The following TMEM184A variants were observed in gnomAD, a reference collection of about 807,000 sequenced individuals.
The protein encoded by TMEM184A is transmembrane protein 184A, also known as sexually dimorphic, expressed in male gonads 1.
A neutral mutation model predicts 39.5 loss-of-function variants in TMEM184A; 40 were observed. The ratio of observed to expected loss-of-function variants is 1.01; its 90% CI spans 0.79 to 1.32. The LOEUF (loss-of-function observed/expected upper bound fraction) is 1.32. Ranked by LOEUF, TMEM184A falls within the 40% of genes most tolerant of loss-of-function variation. TMEM184A has a pLI of 0.00. For missense variants in TMEM184A, 603 were observed against 568.8 expected, an observed-to-expected ratio of 1.06 and a Z score of -0.61; for synonymous variants, 280 against 252.3, an observed-to-expected ratio of 1.11 and a Z score of -1.04.
chr7:1,549,973 G>T, intron 5 of TMEM184A, 28 bp from the exon 6 acceptor site: 2 of 1,610,856 alleles, frequency 1.2e-6, no homozygotes, highest in Non-Finnish European at 1.7e-6. Flanking sequence ...CGGTGGGCCT[G>T]GGGCCAGGTC....
In TMEM184A at chr7:1,555,573, C is replaced by G. The variant is rs1269839818; in HGVS notation, c.1-89G>C. On this transcript the variant is annotated intron_variant, in intron 1 of 8. Transcript: ENST00000297477. The surrounding 1 kb of genome is among the most constrained non-coding windows in gnomAD (Gnocchi z 5.2). ...AGGAAGCAGCGGGGGAGGGAGGAGACAGTGAGACGGGAGCTGAGGCTGAGC... is the reference window on the plus strand; with the variant it reads ...AGGAAGCAGCGGGGGAGGGAGGAGAGAGTGAGACGGGAGCTGAGGCTGAGC... 1 of 996,568 alleles carries G rather than the reference C, an allele frequency of 1.0e-6. No individual in the cohort carries two copies. Among genetic ancestry groups the G allele is most frequent in the Non-Finnish European group, 1.6e-6 (1 of 643,936 alleles). The allele number at this position is 996,568 out of a possible 1,614,324, so 61.7% of individuals were successfully genotyped here. A position where few individuals can be genotyped will look rare whatever the true frequency, so the allele number is the denominator to read the frequency against.
At position 1,543,591 on chromosome 7, in the gene TMEM184A, T is replaced by G. The variant is rs1335915149; in HGVS notation, c.*3361A>C. The G allele has an allele frequency of 6.6e-6, 1 of 152,048 alleles. No homozygotes were observed. The highest frequency in any genetic ancestry group is 1.5e-5 in the Non-Finnish European group (1 of 68,082). 9.4% of individuals were successfully genotyped at this position (152,048 alleles called of 1,614,324 possible). On this transcript the variant is annotated 3_prime_UTR_variant, in exon 9 of 9. Transcript: ENST00000297477. ...GTTTTTGGGGCTGAGCTGACCGAGG[T>G]GTGAACGCTGTTCAGTGCTGGACCA...
Position 1,549,954 on chromosome 7 carries a change from G to A in TMEM184A, c.553-9C>T, listed in dbSNP as rs367589139. The A allele has an allele frequency of 7.4e-6, 12 of 1,612,164 alleles. No individual in the cohort carries two copies. The highest frequency in any genetic ancestry group is 4.5e-5 in the East Asian group (2 of 44,840). On this transcript the variant is annotated splice_polypyrimidine_tract_variant and intron_variant, in intron 5 of 8. Transcript: ENST00000297477. The stretch of plus-strand genomic sequence containing the variant: ...CAGAACTGCAGAGTGGCCTGGGGGC[G>A]ACGGCACCCGGTGGGCCTGGGGCCA...
Position 1,556,153 on chromosome 7 carries a change from C to T in TMEM184A, c.-40G>A, listed in dbSNP as rs1360125990. ...AGCACCTGGCCCAGTCCAGGGAGGC[C>T]TGGCCTCCAGGGAAGCCTAGCTGGT... On this transcript the variant is annotated 5_prime_UTR_variant, in exon 1 of 9. Coordinates refer to ENST00000297477, the MANE Select transcript of TMEM184A (RefSeq NM_001097620.2). The T allele has an allele frequency of 3.3e-5, 5 of 152,600 alleles. No individual in the cohort carries two copies. The highest frequency in any genetic ancestry group is 7.3e-5 in the Non-Finnish European group (5 of 68,312). The allele number at this position is 152,600 out of a possible 1,614,324, so 9.5% of individuals were successfully genotyped here. A position where few individuals can be genotyped will look rare whatever the true frequency, so the allele number is the denominator to read the frequency against.
In TMEM184A at chr7:1,555,124, G is replaced by T; in HGVS notation, c.219+142C>A. ...CTCCCACATGCCACATCCTGGGGAA[G>T]CTCATCCCCTCCCCCGTGCCCTGGC... On this transcript the variant is annotated intron_variant, in intron 2 of 8. Coordinates refer to ENST00000297477, the MANE Select transcript of TMEM184A (RefSeq NM_001097620.2). The surrounding 1 kb of genome is among the most constrained non-coding windows in gnomAD (Gnocchi z 5.2). 3 of 656,138 alleles carry T rather than the reference G, an allele frequency of 4.6e-6. No individual in the cohort carries two copies. Among genetic ancestry groups the T allele is most frequent in the Non-Finnish European group, 2.5e-6 (1 of 403,830 alleles). The allele number at this position is 656,138 out of a possible 1,614,324, so 40.6% of individuals were successfully genotyped here.
chr7:1,549,744 C>A (rs1784509537), intron 6 of TMEM184A, 110 bp downstream of exon 6: 1 of 1,020,872 alleles, frequency 9.8e-7, no homozygotes, highest in Admixed American at 2.3e-5. Context: ...CAGCTCCCAC[C>A]TTACTTGAGC....
At chr7:1,550,515 CAAG>C in intron 3 of TMEM184A, 120 bp from the exon 4 acceptor site, 1 of 840,888 alleles carries the variant, frequency 1.2e-6, no homozygotes, top group South Asian at 1.7e-5. Context: ...GGCCACACAG[CAAG>C]AGGCTCCTGA....
rs764775533 is a variant in TMEM184A, at chr7:1,550,289, G to C, written c.476+16C>G. 1 of 1,611,796 alleles carries C rather than the reference G, an allele frequency of 6.2e-7. No individual in the cohort carries two copies. The highest frequency in any genetic ancestry group is 8.5e-7 in the Non-Finnish European group (1 of 1,179,206). ...CAGGTGTGTGGGGTGTGGGGGCTCT[G>C]GGGTGACGGGCTTACTTGATGGGCT... On this transcript the variant is annotated intron_variant, in intron 4 of 8. Transcript: ENST00000297477.
At position 1,550,290 on chromosome 7, in the gene TMEM184A, G is replaced by C; in HGVS notation, c.476+15C>G. ...AGGTGTGTGGGGTGTGGGGGCTCTG[G>C]GGTGACGGGCTTACTTGATGGGCTT... On this transcript the variant is annotated intron_variant, in intron 4 of 8. Coordinates refer to ENST00000297477, the MANE Select transcript of TMEM184A (RefSeq NM_001097620.2). The C allele has an allele frequency of 6.2e-7, 1 of 1,612,126 alleles. No individual in the cohort carries two copies. Among genetic ancestry groups the C allele is most frequent in the Non-Finnish European group, 8.5e-7 (1 of 1,179,362 alleles).
At chr7:1,554,591 C>T (rs1778475293) in intron 2 of TMEM184A, among the ~76,000 whole-genome samples, 1 of 152,200 alleles carries the variant, frequency 6.6e-6, no homozygotes, top group Admixed American at 6.5e-5. Context: ...GTCCCTGACT[C>T]CCTGCCCTCT....
chr7:1,549,276 C>A (rs3890492), intron 6 of TMEM184A: 259,470 of 435,398 alleles, frequency 0.6, 78,082 homozygotes, highest in East Asian at 0.67. Flanking sequence ...ACATGTGTCC[C>A]CGTGTGTGAG....
In TMEM184A at chr7:1,547,154, G is replaced by A; in HGVS notation, c.1040C>T (p.Ser347Phe). The A allele has an allele frequency of 6.2e-7, 1 of 1,607,344 alleles. No individual in the cohort carries two copies. Among genetic ancestry groups the A allele is most frequent in the Non-Finnish European group, 8.5e-7 (1 of 1,179,272 alleles). Residue 347 changes from serine to phenylalanine, a missense_variant, in exon 9 of 9, where the codon TCC becomes TTC. By Grantham distance (155) the Ser-to-Phe change is radical. Transcript: ENST00000297477. ...GCTCACTGTCTCCCTGATGCCGCTG[G>A]AGATGCTCTGCATGGGTGCCGGGGG... ...PAPPAPMQSISSGIRETVSPQ... is the reference protein window; with the variant it reads ...PAPPAPMQSIFSGIRETVSPQ...
chr7:1,552,305 CA>C (rs1302435811), intron 2 of TMEM184A, among the ~76,000 whole-genome samples: 1 of 152,070 alleles, frequency 6.6e-6, no homozygotes, highest in African/African-American at 2.4e-5. Context: ...ATTGGCAAAT[CA>C]AAATTGTATG....
rs985694561 is a variant in TMEM184A at position 1,555,966 on chromosome 7, C to T, written c.-1+148G>A. ...GGACCTGTCCACCCACCTGGGAGCC[C>T]GGCTTTGCTGGGGTTCTTGGCAGCC... On this transcript the variant is annotated intron_variant, in intron 1 of 8. Transcript: ENST00000297477. This position sits in a 1 kb window ranked among gnomAD's most constrained non-coding sequence, Gnocchi z 5.2. The T allele has an allele frequency of 3.3e-5, 7 of 212,156 alleles. No homozygotes were observed. The highest frequency in any genetic ancestry group is 6.1e-5 in the Admixed American group (1 of 16,394). 13.1% of individuals were successfully genotyped at this position (212,156 alleles called of 1,614,324 possible).
At chr7:1,548,847 C>A in intron 6 of TMEM184A, 159 bp from the exon 7 acceptor site, 1 of 909,868 alleles carries the variant, frequency 1.1e-6, no homozygotes, top group South Asian at 1.5e-5. Context: ...CACTCCAGGG[C>A]CTGCAGGAGA....
chr7:1,545,586 G>GCC lies in TMEM184A; in HGVS notation c.*1364_*1365dup, dbSNP rs942293790. 6.5e-6 allele frequency: 1 copy of GCC among 152,946 alleles called. No homozygotes were observed. The highest frequency in any genetic ancestry group is 2.4e-5 in the African/African-American group (1 of 41,438). The allele number at this position is 152,946 out of a possible 1,614,324, so 9.5% of individuals were successfully genotyped here. A position where few individuals can be genotyped will look rare whatever the true frequency, so the allele number is the denominator to read the frequency against. ...GCCCACTTCTGCTGCCCCTGCCCCA[G>GCC]CCCCCACCCAACCTGTGCTGCGGGC... On this transcript the variant is annotated 3_prime_UTR_variant, in exon 9 of 9. Transcript: ENST00000297477.
intron 3 of TMEM184A, 41 bp downstream of exon 3, chr7:1,550,776 T>C (rs762843284): frequency 6.2e-7 from 1 of 1,606,066 alleles, no homozygotes; most frequent in South Asian, 1.1e-5. Context: ...CCGGGGAGTC[T>C]CTCCCTCCGC....
In TMEM184A at chr7:1,550,865, C is replaced by T; in HGVS notation, c.337G>A (p.Asp113Asn). ...DSWLSLLLLG[D>N]HQYYVYFDSV... ...TCGAAGTAGACGTAGTACTGGTGGT[C>T]TCCGAGGAGGAGGAGGCTGAGCCAG... is the stretch of plus-strand genomic sequence containing the variant. The change falls in exon 3 of 9, where the codon GAC (aspartate) becomes AAC (asparagine). Residue 113 changes from aspartate to asparagine, a missense_variant. Coordinates refer to ENST00000297477, the MANE Select transcript of TMEM184A (RefSeq NM_001097620.2). 1 of 1,613,594 alleles carries T rather than the reference C, an allele frequency of 6.2e-7. No individual in the cohort carries two copies. The highest frequency in any genetic ancestry group is 8.5e-7 in the Non-Finnish European group (1 of 1,179,938).
chr7:1,543,370 T>G lies in TMEM184A; in HGVS notation c.*3582A>C, dbSNP rs1193872325. ...GAGCAGAGAGCAGCACGGCTGTCAG[T>G]GTTCCCCTTCCCTGGGAGACATCTC... On this transcript the variant is annotated 3_prime_UTR_variant, in exon 9 of 9. Transcript: ENST00000297477. The G allele has an allele frequency of 6.6e-6, 1 of 152,258 alleles. No individual in the cohort carries two copies. The highest frequency in any genetic ancestry group is 1.5e-5 in the Non-Finnish European group (1 of 68,062). The allele number at this position is 152,258 out of a possible 1,614,324, so 9.4% of individuals were successfully genotyped here.
Sources: allele counts gnomAD v4.1 joint callset (sites outside exome capture counted in the v4.1 genomes callset), GRCh38; gene constraint gnomAD v4.1.1; non-coding constraint Gnocchi (gnomAD v3.1); transcripts MANE v1.5; gene names NCBI Gene and HGNC (gene_info 2026-07-23, HGNC 2026-07-21).